PDE3A: variants seen among roughly 807,000 people sequenced by gnomAD.
PDE3A encodes cGMP-inhibited 3',5'-cyclic phosphodiesterase 3A.
Under a neutral mutation model 98.3 loss-of-function variants are expected in PDE3A, and 43 were observed. The ratio of observed to expected loss-of-function variants is 0.44; its 90% CI spans 0.34 to 0.56. PDE3A has a LOEUF of 0.56. Among genes scored for constraint, PDE3A ranks in the 20% least tolerant of loss-of-function variants. PDE3A has a pLI of 0.01. For missense variants in PDE3A, 1,427 were observed against 1,440.7 expected (o/e 0.99, Z 0.15); for synonymous variants, 663 against 567.9 (o/e 1.17, Z -2.38).
chr12:20,547,175 C>CT (rs925327357), intron 1 of PDE3A, among the ~76,000 whole-genome samples: 20 of 151,244 alleles, frequency 1.3e-4, no homozygotes, highest in African/African-American at 4.9e-4. Flanking sequence ...TCAGAAAGGA[C>CT]TTTTTCGATC....
Position 20,585,368 on chromosome 12 carries a change from G to A in PDE3A, c.1012-28075G>A, listed in dbSNP as rs970457534. 2.0e-5 allele frequency among the ~76,000 whole-genome samples: 3 copies of A among 152,128 alleles called. No individual in the cohort carries two copies. The East Asian group carries it at 5.8e-4, about 29-fold the overall frequency. On this transcript the variant is annotated intron_variant, in intron 2 of 15. Coordinates refer to ENST00000359062, the MANE Select transcript of PDE3A (RefSeq NM_000921.5). ...TGTTGAGTTTTTGTCTCTGCCCTAA[G>A]CATTTATTCTTGGAATTTTCAAGAT...
chr12:20,499,858 G>A (rs892261666), intron 1 of PDE3A, among the ~76,000 whole-genome samples: 2 of 152,178 alleles, frequency 1.3e-5, no homozygotes, highest in Admixed American at 6.5e-5. Context: ...AAGGTCAAAT[G>A]TATGTGGGGC....
At chr12:20,415,489 C>T (rs538307434) in intron 1 of PDE3A, among the ~76,000 whole-genome samples, 1 of 151,946 alleles carries the variant, frequency 6.6e-6, no homozygotes, top group South Asian at 2.1e-4. Flanking sequence ...GCATCGATTT[C>T]AGCTTACTGC....
intron 15 of PDE3A, among the ~76,000 whole-genome samples, chr12:20,671,392 A>G (rs1365494377): frequency 6.6e-6 from 1 of 152,184 alleles, no homozygotes; most frequent in Non-Finnish European, 1.5e-5. Context: ...CAGAGACACA[A>G]CAAAAAAAGA....
intron 2 of PDE3A, among the ~76,000 whole-genome samples, chr12:20,568,505 G>T (rs976540396): frequency 2.6e-5 from 4 of 151,840 alleles, no homozygotes; most frequent in African/African-American, 9.7e-5. Flanking sequence ...AATGAACAGT[G>T]TTATACATAT....
chr12:20,525,467 TG>T (rs58441527), intron 1 of PDE3A, among the ~76,000 whole-genome samples: 13,434 of 139,736 alleles, frequency 0.096, 826 homozygotes, highest in East Asian at 0.22. Flanking sequence ...CTGATTTGGT[TG>T]GGGGGGGGGG....
chr12:20,673,118 A>G (rs1190362926), intron 15 of PDE3A, among the ~76,000 whole-genome samples: 2 of 152,200 alleles, frequency 1.3e-5, no homozygotes, highest in Admixed American at 1.3e-4. Context: ...ATCACTGGCC[A>G]TCAGAGAAAT....
chr12:20,571,201 T>C (rs1942794793), intron 2 of PDE3A, among the ~76,000 whole-genome samples: 1 of 152,144 alleles, frequency 6.6e-6, no homozygotes, highest in African/African-American at 2.4e-5. Flanking sequence ...TGTAAACTGA[T>C]CTCAGTCATA....
chr12:20,512,274 A>G (rs61338273), intron 1 of PDE3A, among the ~76,000 whole-genome samples: 10,311 of 152,138 alleles, frequency 0.068, 729 homozygotes, highest in African/African-American at 0.18. Flanking sequence ...GGGGCACAGT[A>G]TAAGAGACTA....
At chr12:20,546,140 C>A (rs1001148150) in intron 1 of PDE3A, among the ~76,000 whole-genome samples, 7 of 151,902 alleles carry the variant, frequency 4.6e-5, no homozygotes, top group African/African-American at 1.7e-4. Flanking sequence ...AAAAATTATG[C>A]AGGTGGGTAA....
At chr12:20,455,697 T>C (rs1439479738) in intron 1 of PDE3A, among the ~76,000 whole-genome samples, 1 of 152,186 alleles carries the variant, frequency 6.6e-6, no homozygotes, top group Non-Finnish European at 1.5e-5. Context: ...TTTCTAACCA[T>C]AAACAAACAG....
Position 20,616,225 on chromosome 12 carries a change from C to T in PDE3A, c.1270-5C>T, listed in dbSNP as rs1208275957. On this transcript the variant is annotated splice_region_variant and splice_polypyrimidine_tract_variant and intron_variant, in intron 3 of 15. Coordinates refer to ENST00000359062, the MANE Select transcript of PDE3A (RefSeq NM_000921.5). ...CTGGGTAATGAAGTCAAGTCTCTTT[C>T]CTAGCGCCTGAGAAGGAGTTTGCCT... The T allele has an allele frequency of 7.4e-6, 12 of 1,613,256 alleles. No individual in the cohort carries two copies. Among genetic ancestry groups the T allele is most frequent in the Non-Finnish European group, 1.0e-5 (12 of 1,179,596 alleles).
intron 1 of PDE3A, among the ~76,000 whole-genome samples, chr12:20,390,142 G>A (rs1943886132): frequency 6.6e-6 from 1 of 151,874 alleles, no homozygotes; most frequent in African/African-American, 2.4e-5. Context: ...TTTGTGCTGA[G>A]GAGTAGAGGT....
chr12:20,629,967 C>T lies in PDE3A; in HGVS notation c.1600C>T (p.Pro534Ser). Residue 534 changes from proline (P) to serine (S), a missense_variant, in exon 6 of 16, where the codon CCT becomes TCT. By Grantham distance (74) the Pro-to-Ser change is moderately conservative. This residue lies in a region of PDE3A where 1,012 missense variants were observed against 886.5 expected (regional missense o/e 1.14). Coordinates refer to ENST00000359062, the MANE Select transcript of PDE3A (RefSeq NM_000921.5). ...CTGCTCCTCACCTCTCCAAGGGACT[C>T]CTGCCAGCAGCCTGGTCAGCAAAAT... ...SPCSSPLQGT[P>S]ASSLVSKISA... 4 of 1,614,094 alleles carry T rather than the reference C, an allele frequency of 2.5e-6. No homozygotes were observed. Among genetic ancestry groups the T allele is most frequent in the Admixed American group, 1.7e-5 (1 of 59,996 alleles).
intron 1 of PDE3A, among the ~76,000 whole-genome samples, chr12:20,381,972 A>C (rs969200941): frequency 6.6e-6 from 1 of 151,852 alleles, no homozygotes; most frequent in African/African-American, 2.4e-5. Flanking sequence ...TTAATAGATT[A>C]ATCAACCTGC....
chr12:20,379,524 T>A (rs999833538), intron 1 of PDE3A, among the ~76,000 whole-genome samples: 1 of 151,786 alleles, frequency 6.6e-6, no homozygotes, highest in African/African-American at 2.4e-5. Flanking sequence ...AGGAATCAAA[T>A]TTTTGTAGCT....
intron 3 of PDE3A, among the ~76,000 whole-genome samples, chr12:20,614,780 A>G (rs1340267025): frequency 6.6e-6 from 1 of 152,172 alleles, no homozygotes; most frequent in Admixed American, 6.5e-5. Flanking sequence ...ACTATTTAAT[A>G]TCAGAGCTAT....
chr12:20,410,033 T>C (rs1944305036), intron 1 of PDE3A, among the ~76,000 whole-genome samples: 1 of 152,200 alleles, frequency 6.6e-6, no homozygotes. Context: ...TTTGTCCTAG[T>C]GTTTATTTTC....
intron 12 of PDE3A, among the ~76,000 whole-genome samples, chr12:20,647,449 T>C (rs1263923196): frequency 2.0e-5 from 3 of 152,080 alleles, no homozygotes; most frequent in South Asian, 4.1e-4. Context: ...TGCCTAAACA[T>C]AGATTCCAAA....
Sources: allele counts gnomAD v4.1 joint callset (sites outside exome capture counted in the v4.1 genomes callset), GRCh38; gene constraint gnomAD v4.1.1; regional missense constraint gnomAD v4.1.1; transcripts MANE v1.5; gene names NCBI Gene and HGNC (gene_info 2026-07-23, HGNC 2026-07-21).